PRKN: variants seen among roughly 807,000 people sequenced by gnomAD.
PRKN encodes parkin RBR E3 ubiquitin protein ligase, also known as E3 ubiquitin-protein ligase parkin.
PRKN carries 56 observed loss-of-function variants against 59.5 expected under a neutral mutation model. That is an observed-to-expected ratio of 0.94 (90% confidence interval 0.76 to 1.18). The LOEUF (loss-of-function observed/expected upper bound fraction) is 1.18, where lower values mean the gene tolerates loss of function less well. Among genes scored for constraint, PRKN ranks in the 50% most tolerant of loss-of-function variants. The pLI is 0.00. For missense variants in PRKN, 657 were observed against 596.4 expected (o/e 1.10, Z -1.06); for synonymous variants, 250 against 222.1 (o/e 1.13, Z -1.12).
rs1005416104 is a variant in PRKN, at chr6:161,462,889, A to G, written c.1084-76012T>C. On this transcript the variant is annotated intron_variant, in intron 9 of 11. Transcript: ENST00000366898. This position sits in a 1 kb window ranked among gnomAD's most constrained non-coding sequence, Gnocchi z 4.5. Reference sequence around the variant, plus strand: ...CAATAATATTTTCTATTTCCTCAGGATTTCTTCACTCAGTTTTTTTGTTTG... The same window carrying G: ...CAATAATATTTTCTATTTCCTCAGGGTTTCTTCACTCAGTTTTTTTGTTTG... Among the ~76,000 whole-genome samples the G allele has an allele frequency of 6.6e-6, 1 of 152,106 alleles. No homozygotes were observed. The highest frequency in any genetic ancestry group is 2.4e-5 in the African/African-American group (1 of 41,404).
intron 1 of PRKN, among the ~76,000 whole-genome samples, chr6:162,710,080 C>T (rs746136302): frequency 6.6e-5 from 10 of 152,230 alleles, no homozygotes; most frequent in Non-Finnish European, 1.0e-4. Flanking sequence ...GGCTGCTGAG[C>T]CAGGGGTCCT....
chr6:161,809,122 T>G (rs1791456930), intron 6 of PRKN, among the ~76,000 whole-genome samples: 1 of 152,208 alleles, frequency 6.6e-6, no homozygotes, highest in South Asian at 2.1e-4. Flanking sequence ...ATTATAGGCA[T>G]AAGCCACAGA....
At position 161,932,823 on chromosome 6, in the gene PRKN, C is replaced by CT. The variant is rs146599846; in HGVS notation, c.734+40478dup. On this transcript the variant is annotated intron_variant, in intron 6 of 11. Coordinates refer to ENST00000366898, the MANE Select transcript of PRKN (RefSeq NM_004562.3). ...AGAGAAAAAGAAAAACATATTTATG[C>CT]TTTTTTTTTTCAAGAACAAAGACTG... is the stretch of plus-strand genomic sequence containing the variant. Among the ~76,000 whole-genome samples, 764 of 147,970 alleles carry CT rather than the reference C, an allele frequency of 5.2e-3. 2 individuals carry two copies. Among genetic ancestry groups the CT allele is most frequent in the African/African-American group, 0.017 (687 of 40,438 alleles).
chr6:162,072,327 T>C (rs908148438), intron 4 of PRKN, among the ~76,000 whole-genome samples: 1 of 152,074 alleles, frequency 6.6e-6, no homozygotes, highest in Non-Finnish European at 1.5e-5. Context: ...TGAGACTCTT[T>C]GAGGGTATAT....
chr6:162,439,198 C>T (rs947408700), intron 2 of PRKN, among the ~76,000 whole-genome samples: 1 of 152,092 alleles, frequency 6.6e-6, no homozygotes, highest in Non-Finnish European at 1.5e-5. Flanking sequence ...CTGGAGTAGA[C>T]TGGTTATTGT....
chr6:162,468,494 T>C (rs1216374731), intron 1 of PRKN, among the ~76,000 whole-genome samples: 2 of 151,250 alleles, frequency 1.3e-5, no homozygotes, highest in African/African-American at 4.9e-5. Flanking sequence ...TCTAAACTGT[T>C]CGGTAATCCC....
At chr6:161,455,819 C>T (rs556094289) in intron 9 of PRKN, among the ~76,000 whole-genome samples, 200 of 148,608 alleles carry the variant, frequency 1.3e-3, no homozygotes, top group African/African-American at 4.5e-3. Flanking sequence ...GCTGAGATCG[C>T]GCCACTGCAC....
chr6:162,711,528 G>A (rs1484893690), intron 1 of PRKN, among the ~76,000 whole-genome samples: 1 of 151,728 alleles, frequency 6.6e-6, no homozygotes, highest in Non-Finnish European at 1.5e-5. Context: ...CTTCCCCTCA[G>A]ACCTGTGCAA....
chr6:162,380,594 A>C (rs886838443), intron 2 of PRKN, among the ~76,000 whole-genome samples: 5 of 150,578 alleles, frequency 3.3e-5, no homozygotes, highest in African/African-American at 9.7e-5. Flanking sequence ...GCACAAAGAC[A>C]CAGGAGAGGT....
intron 3 of PRKN, among the ~76,000 whole-genome samples, chr6:162,244,879 A>G (rs189947982): frequency 5.9e-5 from 9 of 152,148 alleles, no homozygotes; most frequent in African/African-American, 1.7e-4. Context: ...TTGGCCAACA[A>G]TTTCATCTTT....
chr6:162,547,546 T>C (rs1041487133), intron 1 of PRKN, among the ~76,000 whole-genome samples: 1 of 149,704 alleles, frequency 6.7e-6, no homozygotes, highest in Non-Finnish European at 1.5e-5. Context: ...CCCAGATAAA[T>C]TAAGCAGCGC....
chr6:162,295,616 G>A (rs887417772), intron 2 of PRKN, among the ~76,000 whole-genome samples: 1 of 152,280 alleles, frequency 6.6e-6, no homozygotes, highest in African/African-American at 2.4e-5. Flanking sequence ...TAAAACGGAA[G>A]TATTACCTGG....
chr6:161,595,395 A>C (rs1459934683), intron 7 of PRKN, among the ~76,000 whole-genome samples: 1 of 152,140 alleles, frequency 6.6e-6, no homozygotes, highest in African/African-American at 2.4e-5. Context: ...GCTCAAGAAA[A>C]GTATGAAAGT....
At chr6:162,411,168 GATAAAA>G (rs978402447) in intron 2 of PRKN, among the ~76,000 whole-genome samples, 2 of 152,116 alleles carry the variant, frequency 1.3e-5, no homozygotes, top group African/African-American at 4.8e-5. Context: ...TGTTTTAAAA[GATAAAA>G]ATTAAATGGC....
In PRKN at chr6:161,386,763, T is replaced by G; in HGVS notation, c.1167+31A>C. Reference sequence around the variant, plus strand: ...CAGTCCCCCACTGTATCCGGAGCCCTGCTTGGAGGAATGAGTAGGGCATTC... The same window carrying G: ...CAGTCCCCCACTGTATCCGGAGCCCGGCTTGGAGGAATGAGTAGGGCATTC... On this transcript the variant is annotated intron_variant, in intron 10 of 11. Coordinates refer to ENST00000366898, the MANE Select transcript of PRKN (RefSeq NM_004562.3). The surrounding 1 kb of genome is among the most constrained non-coding windows in gnomAD (Gnocchi z 4.3). The G allele has an allele frequency of 1.3e-6, 2 of 1,538,258 alleles. No homozygotes were observed. Among genetic ancestry groups the G allele is most frequent in the Non-Finnish European group, 1.8e-6 (2 of 1,111,010 alleles).
intron 6 of PRKN, among the ~76,000 whole-genome samples, chr6:161,878,621 T>A (rs1794821106): frequency 6.6e-6 from 1 of 152,102 alleles, no homozygotes; most frequent in Non-Finnish European, 1.5e-5. Flanking sequence ...AATCAAGAAT[T>A]CCAAGATAGT....
intron 1 of PRKN, among the ~76,000 whole-genome samples, chr6:162,527,109 T>C (rs1415015748): frequency 6.6e-6 from 1 of 152,232 alleles, no homozygotes; most frequent in East Asian, 1.9e-4. Flanking sequence ...GCTTGTTCTC[T>C]GCTTAATCGA....
intron 1 of PRKN, among the ~76,000 whole-genome samples, chr6:162,680,547 C>G (rs1247510096): frequency 6.6e-6 from 1 of 152,016 alleles, no homozygotes; most frequent in African/African-American, 2.4e-5. Flanking sequence ...AGTAGCTTAT[C>G]TTTTAGAGGT....
intron 6 of PRKN, among the ~76,000 whole-genome samples, chr6:161,862,768 T>C (rs1326508767): frequency 6.6e-6 from 1 of 152,088 alleles, no homozygotes; most frequent in African/African-American, 2.4e-5. Flanking sequence ...GTCCAAGCCA[T>C]TCAGAGGTAA....
Sources: allele counts gnomAD v4.1 joint callset (sites outside exome capture counted in the v4.1 genomes callset), GRCh38; gene constraint gnomAD v4.1.1; non-coding constraint Gnocchi (gnomAD v3.1); transcripts MANE v1.5; gene names NCBI Gene and HGNC (gene_info 2026-07-23, HGNC 2026-07-21).